Variants in ANO10 observed in about 807,000 individuals in gnomAD.
ANO10 encodes the protein anoctamin-10.
In ANO10, 77 loss-of-function variants were observed where a neutral mutation model predicts 74.7. The observed-to-expected ratio is 1.03, with a 90% CI of 0.86 to 1.25. The LOEUF (loss-of-function observed/expected upper bound fraction) is 1.25, where lower values mean the gene tolerates loss of function less well. ANO10 is among the 50% of genes most tolerant of loss of function. The pLI, the probability that ANO10 is intolerant of heterozygous loss-of-function variation, is 0.00. For synonymous variants in ANO10, 279 were observed against 284.9 expected (o/e 0.98, Z 0.21); for missense variants, 721 against 778.1 (o/e 0.93, Z 0.87).
chr3:43,382,227 A>G (rs1015390123), intron 12 of ANO10, among the ~76,000 whole-genome samples: 4 of 152,158 alleles, frequency 2.6e-5, no homozygotes, highest in African/African-American at 9.7e-5. Flanking sequence ...GAAAAGAAAT[A>G]ACCAAGATCA....
chr3:43,633,154 C>A (rs1006620882), intron 1 of ANO10, among the ~76,000 whole-genome samples: 1 of 152,088 alleles, frequency 6.6e-6, no homozygotes, highest in Admixed American at 6.6e-5. Flanking sequence ...CTCGTCCCCC[C>A]GGAAAGAAAT....
At chr3:43,609,197 A>G (rs758819168) in intron 1 of ANO10, among the ~76,000 whole-genome samples, 6 of 152,176 alleles carry the variant, frequency 3.9e-5, no homozygotes, top group Non-Finnish European at 8.8e-5. Flanking sequence ...CCCATGATAC[A>G]CAGCTTAAAA....
chr3:43,413,909 C>T (rs1352626315), intron 12 of ANO10, among the ~76,000 whole-genome samples: 1 of 151,766 alleles, frequency 6.6e-6, no homozygotes, highest in Non-Finnish European at 1.5e-5. Flanking sequence ...GTCCATCTCC[C>T]CCTGCCTCCC....
chr3:43,407,207 A>G (rs1040555941), intron 12 of ANO10, among the ~76,000 whole-genome samples: 7 of 152,048 alleles, frequency 4.6e-5, no homozygotes, highest in Admixed American at 3.3e-4. Context: ...CACAGCTGCA[A>G]TGGAGATACT....
intron 11 of ANO10, among the ~76,000 whole-genome samples, chr3:43,468,434 A>G (rs201426533): frequency 6.6e-6 from 1 of 152,344 alleles, no homozygotes; most frequent in East Asian, 1.9e-4. Flanking sequence ...GACAGAGCAA[A>G]GGCTGCACCA....
At chr3:43,614,949 A>C (rs991964462) in intron 1 of ANO10, among the ~76,000 whole-genome samples, 35 of 151,080 alleles carry the variant, frequency 2.3e-4, no homozygotes, top group African/African-American at 6.8e-4. Context: ...AAATTGGCTA[A>C]AGTCTGGTAC....
At chr3:43,432,366 C>G (rs2092995983) in intron 12 of ANO10, among the ~76,000 whole-genome samples, 1 of 152,174 alleles carries the variant, frequency 6.6e-6, no homozygotes, top group Non-Finnish European at 1.5e-5. Context: ...TTGCTGAATG[C>G]TAGCTCTATT....
intron 11 of ANO10, among the ~76,000 whole-genome samples, chr3:43,525,124 C>G (rs1441995046): frequency 6.6e-6 from 1 of 152,132 alleles, no homozygotes. Context: ...CCAATGACTG[C>G]CCAGGGCTCT....
chr3:43,395,176 C>CA (rs2148855629), intron 12 of ANO10, among the ~76,000 whole-genome samples: 1 of 152,188 alleles, frequency 6.6e-6, no homozygotes, highest in South Asian at 2.1e-4. Context: ...AGTTTTTTAA[C>CA]AATCAGAGGA....
chr3:43,671,221 A>G (rs898797179), intron 1 of ANO10, among the ~76,000 whole-genome samples: 5 of 152,196 alleles, frequency 3.3e-5, no homozygotes, highest in Non-Finnish European at 7.3e-5. Context: ...TGGTCCCCAC[A>G]GTGTGTGGAT....
At chr3:43,655,728 T>C (rs536002418) in intron 1 of ANO10, among the ~76,000 whole-genome samples, 98 of 152,264 alleles carry the variant, frequency 6.4e-4, no homozygotes, top group Non-Finnish European at 1.0e-3. Flanking sequence ...AGAGTGTTGA[T>C]TGGTGCATTC....
chr3:43,592,474 C>T (rs2081836972), intron 4 of ANO10, among the ~76,000 whole-genome samples: 2 of 152,208 alleles, frequency 1.3e-5, no homozygotes, highest in African/African-American at 2.4e-5. Flanking sequence ...GCTGGTGGTA[C>T]CCAGGCAAAC....
At chr3:43,522,881 T>A (rs904464181) in intron 11 of ANO10, among the ~76,000 whole-genome samples, 7 of 152,174 alleles carry the variant, frequency 4.6e-5, no homozygotes, top group Non-Finnish European at 1.0e-4. Flanking sequence ...GCATGGTACC[T>A]GCCTCTTGGG....
At position 43,580,387 on chromosome 3, in the gene ANO10, C is replaced by A; in HGVS notation, c.558G>T (p.Trp186Cys). 6.2e-7 allele frequency: 1 copy of A among 1,614,020 alleles called. No homozygotes were observed. The highest frequency in any genetic ancestry group is 1.7e-5 in the Admixed American group (1 of 59,984). The change falls in exon 5 of 13, where the codon TGG (tryptophan) becomes TGT (cysteine). Residue 186 changes from tryptophan to cysteine, a missense_variant. Transcript: ENST00000292246. ...GATACTTCAAAGCAAACCGAGTGTA[C>A]CAGGTGTCCTCAAGCTTCTTCAGGG... ...SEALKKLEDTWYTRFALKYQP... is the reference protein window; with the variant it reads ...SEALKKLEDTCYTRFALKYQP...
intron 8 of ANO10, among the ~76,000 whole-genome samples, chr3:43,563,526 G>A (rs2080156327): frequency 6.7e-6 from 1 of 150,270 alleles, no homozygotes; most frequent in Admixed American, 6.7e-5. Flanking sequence ...AAAGAAATGA[G>A]CATATCAAAC....
chr3:43,582,131 A>G (rs1368902602), intron 4 of ANO10, among the ~76,000 whole-genome samples: 1 of 152,078 alleles, frequency 6.6e-6, no homozygotes, highest in East Asian at 1.9e-4. Context: ...GGACTGGCAA[A>G]TAAATGTCTG....
chr3:43,551,110 C>A (rs1057120132), intron 10 of ANO10, among the ~76,000 whole-genome samples: 7 of 152,144 alleles, frequency 4.6e-5, no homozygotes, highest in African/African-American at 1.7e-4. Context: ...ATTTATGTAA[C>A]CATTTTCTTA....
chr3:43,515,544 C>A (rs1342648551), intron 11 of ANO10, among the ~76,000 whole-genome samples: 1 of 152,132 alleles, frequency 6.6e-6, no homozygotes, highest in African/African-American at 2.4e-5. Flanking sequence ...TATAATAAAT[C>A]TCATTTTATA....
intron 1 of ANO10, among the ~76,000 whole-genome samples, chr3:43,681,037 C>G (rs1470602446): frequency 6.6e-6 from 1 of 152,152 alleles, no homozygotes; most frequent in African/African-American, 2.4e-5. Context: ...GCAAAATAAC[C>G]ATCTAACATC....
Sources: gnomAD v4.1 joint callset for allele counts (sites outside exome capture counted in the v4.1 genomes callset) on GRCh38, gnomAD v4.1.1 for gene constraint, MANE v1.5 for transcripts, NCBI Gene and HGNC (gene_info 2026-07-23, HGNC 2026-07-21) for gene names.